Variants in SLC2A5 observed in about 807,000 individuals in gnomAD.
The protein encoded by SLC2A5 is solute carrier family 2, facilitated glucose transporter member 5.
SLC2A5 carries 56 observed loss-of-function variants against 50.3 expected under a neutral mutation model. The observed-to-expected ratio is 1.11, with a 90% CI of 0.90 to 1.39. SLC2A5 has a LOEUF of 1.39. Ranked by LOEUF, SLC2A5 falls within the 40% of genes most tolerant of loss-of-function variation. The pLI, the probability that SLC2A5 is intolerant of heterozygous loss-of-function variation, is 0.00. For synonymous variants in SLC2A5, 269 were observed against 281.9 expected, an observed-to-expected ratio of 0.95 and a Z score of 0.46; for missense variants, 566 against 650.1, an observed-to-expected ratio of 0.87 and a Z score of 1.41.
intron 1 of SLC2A5, among the ~76,000 whole-genome samples, chr1:9,062,642 C>T (rs993992756): frequency 1.3e-5 from 2 of 152,084 alleles, no homozygotes; most frequent in African/African-American, 2.4e-5. Context: ...GAGGCCAAGG[C>T]GGGAGGATCA....
At chr1:9,053,885 AAAAT>A (rs1199523526) in intron 3 of SLC2A5, among the ~76,000 whole-genome samples, 1 of 151,774 alleles carries the variant, frequency 6.6e-6, no homozygotes, top group African/African-American at 2.4e-5. Context: ...AAAAAATAAA[AAAAT>A]AAAATAAAAA....
chr1:9,056,992 T>C (rs1361774840), intron 3 of SLC2A5, among the ~76,000 whole-genome samples: 2 of 152,088 alleles, frequency 1.3e-5, no homozygotes, highest in Non-Finnish European at 2.9e-5. Context: ...CTGACCCCAT[T>C]AGAAAATAAA....
At chr1:9,059,204 G>A (rs1321544401) in intron 1 of SLC2A5, among the ~76,000 whole-genome samples, 1 of 129,054 alleles carries the variant, frequency 7.7e-6, no homozygotes, top group East Asian at 2.8e-4. Context: ...GTGCAGTGGC[G>A]CAATCTCGGC....
chr1:9,051,566 TA>T lies in SLC2A5; in HGVS notation c.294-3833del, dbSNP rs940155309. ...AAAAGGTGCACCACATGATGTGTTATAGGGGAAATGCAAATTAAACAATAAG... is the reference window on the plus strand; with the variant it reads ...AAAAGGTGCACCACATGATGTGTTATGGGGAAATGCAAATTAAACAATAAG... On this transcript the variant is annotated intron_variant, in intron 3 of 11. Transcript: ENST00000377424. Among the ~76,000 whole-genome samples, 5 of 152,042 alleles carry T rather than the reference TA, an allele frequency of 3.3e-5. No homozygotes were observed. In the East Asian group the frequency reaches 7.7e-4, roughly 23 times the overall value.
intron 1 of SLC2A5, among the ~76,000 whole-genome samples, chr1:9,068,295 G>T (rs1432668020): frequency 6.6e-6 from 1 of 150,388 alleles, no homozygotes; most frequent in African/African-American, 2.4e-5. Context: ...TCATTTAATT[G>T]CTCCAGCACC....
At chr1:9,055,525 A>G (rs1641729165) in intron 3 of SLC2A5, among the ~76,000 whole-genome samples, 2 of 152,014 alleles carry the variant, frequency 1.3e-5, no homozygotes, top group South Asian at 2.1e-4. Flanking sequence ...TCAAAAATAA[A>G]TAAATAAAAA....
At chr1:9,069,757 G>T (rs1000910750), upstream of SLC2A5, 2 of 586,912 alleles carry the variant, frequency 3.4e-6, no homozygotes, top group African/African-American at 3.7e-5. Flanking sequence ...TAAGTAAGTG[G>T]GTGCCCCCTG....
At chr1:9,056,670 T>C (rs908975312) in intron 3 of SLC2A5, among the ~76,000 whole-genome samples, 12 of 152,156 alleles carry the variant, frequency 7.9e-5, no homozygotes, top group Non-Finnish European at 1.6e-4. Context: ...CCATGGAATT[T>C]ATACGGGGGA....
rs1641110443 is a variant in SLC2A5, at chr1:9,035,129, A to G, written c.*2457T>C. On this transcript the variant is annotated 3_prime_UTR_variant, in exon 12 of 12. Coordinates refer to ENST00000377424, the MANE Select transcript of SLC2A5 (RefSeq NM_003039.3). ...AAGTCATTTAATTCTCACAATGGAC[A>G]TGTGAGACATTTACTATTAGTGCCA... 1 of 152,240 alleles carries G rather than the reference A, an allele frequency of 6.6e-6. No homozygotes were observed. The highest frequency in any genetic ancestry group is 2.4e-5 in the African/African-American group (1 of 41,450). 9.4% of individuals were successfully genotyped at this position (152,240 alleles called of 1,614,324 possible).
At chr1:9,082,495 C>T (rs1642365457) in intron 2 of SLC2A5, among the ~76,000 whole-genome samples, 1 of 152,040 alleles carries the variant, frequency 6.6e-6, no homozygotes, top group African/African-American at 2.4e-5. Context: ...CGGAGGATTG[C>T]TTGAGTCCCA....
chr1:9,058,007 C>T (rs1331321949), intron 2 of SLC2A5, 145 bp downstream of exon 2: 15 of 638,722 alleles, frequency 2.3e-5, no homozygotes, highest in East Asian at 8.4e-5. Context: ...CGAGTTCCCT[C>T]GGGTCTGTGC....
At position 9,040,035 on chromosome 1, in the gene SLC2A5, G is replaced by C; in HGVS notation, c.697+29C>G. The stretch of plus-strand genomic sequence containing the variant: ...GACCAGGGCTGGGGAGCAGAACCTG[G>C]AGGCCGCCCCCGCCAGAGCCCTCGT... On this transcript the variant is annotated intron_variant, in intron 6 of 11. Transcript: ENST00000377424. The surrounding 1 kb of genome is among the most constrained non-coding windows in gnomAD (Gnocchi z 4.3). The C allele has an allele frequency of 2.5e-6, 4 of 1,584,900 alleles. No homozygotes were observed. Among genetic ancestry groups the C allele is most frequent in the Non-Finnish European group, 3.4e-6 (4 of 1,162,138 alleles).
rs1458242781 is a variant in SLC2A5 at position 9,069,613 on chromosome 1, C to T, written c.-77G>A. 9.7e-6 allele frequency: 15 copies of T among 1,546,858 alleles called. No homozygotes were observed. Among genetic ancestry groups the T allele is most frequent in the East Asian group, 2.2e-5 (1 of 44,464 alleles). ...GCGTGCACTGAATGGAGAGAGAAGA[C>T]ATTCTGGGTGCACTTTGGCCATGCC... On this transcript the variant is annotated 5_prime_UTR_variant, in exon 1 of 12. An upstream start codon of the reference 5' UTR is lost. Coordinates refer to ENST00000377424, the MANE Select transcript of SLC2A5 (RefSeq NM_003039.3).
intron 1 of SLC2A5, among the ~76,000 whole-genome samples, chr1:9,067,108 G>A (rs537106650): frequency 7.9e-4 from 120 of 152,020 alleles, no homozygotes; most frequent in African/African-American, 2.7e-3. Context: ...CCCGGACCGC[G>A]CAGCCTCTGT....
chr1:9,057,311 A>G lies in SLC2A5; in HGVS notation c.293+137T>C, dbSNP rs992343541. On this transcript the variant is annotated intron_variant, in intron 3 of 11. Coordinates refer to ENST00000377424, the MANE Select transcript of SLC2A5 (RefSeq NM_003039.3). ...AAAAATTAAAAAAAAAAAAAAAAAAAAAAAGAAAGAAAAAAGAAAAATGAC... is the reference window on the plus strand; with the variant it reads ...AAAAATTAAAAAAAAAAAAAAAAAAGAAAAGAAAGAAAAAAGAAAAATGAC... 4.5e-5 allele frequency: 21 copies of G among 471,232 alleles called. No individual in the cohort carries two copies. The South Asian group carries it at 8.0e-4, about 18-fold the overall frequency. The allele number at this position is 471,232 out of a possible 1,614,324, so 29.2% of individuals were successfully genotyped here. A position where few individuals can be genotyped will look rare whatever the true frequency, so the allele number is the denominator to read the frequency against.
intron 2 of SLC2A5, among the ~76,000 whole-genome samples, chr1:9,083,470 T>A (rs1315528847): frequency 6.6e-6 from 1 of 152,304 alleles, no homozygotes. Flanking sequence ...CCGACTGGAA[T>A]CAACATAGCG....
intron 5 of SLC2A5, chr1:9,041,126 A>G (rs946826135): frequency 2.3e-5 from 8 of 351,416 alleles, no homozygotes; most frequent in African/African-American, 1.5e-4. Context: ...GATCCACTTG[A>G]CTGACTTGCA....
chr1:9,086,467 C>CAAA (rs1228849542), intron 1 of SLC2A5, among the ~76,000 whole-genome samples: 1 of 151,156 alleles, frequency 6.6e-6, no homozygotes, highest in African/African-American at 2.4e-5. Flanking sequence ...CAGCTCACTA[C>CAAA]AACCTCTGCC....
In SLC2A5 at chr1:9,036,743, A is replaced by C. The variant is rs980219963; in HGVS notation, c.*843T>G. 1 of 150,888 alleles carries C rather than the reference A, an allele frequency of 6.6e-6. No individual in the cohort carries two copies. Among genetic ancestry groups the C allele is most frequent in the Non-Finnish European group, 1.5e-5 (1 of 67,818 alleles). 9.3% of individuals were successfully genotyped at this position (150,888 alleles called of 1,614,324 possible). On this transcript the variant is annotated 3_prime_UTR_variant, in exon 12 of 12. Transcript: ENST00000377424. ...GTAGTCCCAGCTACTCAGGAGGCTG[A>C]GGCAGGAGAATGGTGTGAACCCGGG...
Sources: gnomAD v4.1 joint callset for allele counts (sites outside exome capture counted in the v4.1 genomes callset) on GRCh38, gnomAD v4.1.1 for gene constraint, Gnocchi (gnomAD v3.1) non-coding constraint, MANE v1.5 for transcripts, NCBI Gene and HGNC (gene_info 2026-07-23, HGNC 2026-07-21) for gene names.